CCDC178: variants seen among roughly 807,000 people sequenced by gnomAD.
CCDC178 encodes coiled-coil domain containing 178, also known as coiled-coil domain-containing protein 178.
In CCDC178, 126 loss-of-function variants were observed where a neutral mutation model predicts 117.4. The observed-to-expected ratio is 1.07, with a 90% CI of 0.93 to 1.24. The LOEUF is 1.24. Among genes scored for constraint, CCDC178 ranks in the 50% most tolerant of loss-of-function variants. The pLI, the probability that CCDC178 is intolerant of heterozygous loss-of-function variation, is 0.00. For missense variants in CCDC178, 1,030 were observed against 986.9 expected (o/e 1.04, Z -0.59); for synonymous variants, 283 against 313.4 (o/e 0.90, Z 1.02).
At position 33,065,483 on chromosome 18, in the gene CCDC178, C is replaced by T. The variant is rs186390550; in HGVS notation, c.2388+27278G>A. On this transcript the variant is annotated intron_variant, in intron 21 of 22. Transcript: ENST00000383096. ...GAATTTTGGGATTTCCAGAAGGAGA[C>T]GAGATGGATAAAAGCATAAAAACAC... 1.0e-3 allele frequency among the ~76,000 whole-genome samples: 153 copies of T among 152,022 alleles called. 2 individuals carry two copies. The highest frequency in any genetic ancestry group is 3.5e-3 in the Admixed American group (53 of 15,268).
At chr18:33,005,236 G>T (rs1163113344) in intron 21 of CCDC178, among the ~76,000 whole-genome samples, 3 of 151,988 alleles carry the variant, frequency 2.0e-5, no homozygotes, top group African/African-American at 7.2e-5. Flanking sequence ...ACAGATGATT[G>T]GATAAAGAAA....
intron 14 of CCDC178, among the ~76,000 whole-genome samples, chr18:33,252,082 G>C (rs989054574): frequency 6.6e-6 from 1 of 151,724 alleles, no homozygotes; most frequent in Non-Finnish European, 1.5e-5. Context: ...GGTGCTAGTA[G>C]AGTAAGTTAG....
intron 21 of CCDC178, among the ~76,000 whole-genome samples, chr18:33,070,201 A>G (rs977117076): frequency 2.0e-5 from 3 of 152,054 alleles, no homozygotes; most frequent in Non-Finnish European, 4.4e-5. Flanking sequence ...AAATGTGTCA[A>G]TATAACAAAG....
At chr18:32,940,508 C>G (rs974701053) in intron 22 of CCDC178, among the ~76,000 whole-genome samples, 1 of 151,594 alleles carries the variant, frequency 6.6e-6, no homozygotes, top group African/African-American at 2.4e-5. Context: ...TATTTTTTAA[C>G]TTTATTTTAG....
At chr18:33,408,246 T>C (rs1568207825) in intron 3 of CCDC178, among the ~76,000 whole-genome samples, 3 of 151,308 alleles carry the variant, frequency 2.0e-5, no homozygotes, top group Admixed American at 6.6e-5. Context: ...TTACAAACCA[T>C]AAAAAAAATT....
intron 2 of CCDC178, among the ~76,000 whole-genome samples, chr18:33,429,019 T>C (rs561645231): frequency 3.2e-5 from 2 of 62,226 alleles, no homozygotes; most frequent in Non-Finnish European, 6.8e-5. Context: ...GATTAAAAGT[T>C]TAAAAGGAAA....
rs559458963 is a variant in CCDC178 at position 33,262,847 on chromosome 18, T to C, written c.1409+4069A>G. Among the ~76,000 whole-genome samples, 20 of 152,338 alleles carry C rather than the reference T, an allele frequency of 1.3e-4. 1 individual carries two copies. The South Asian group carries it at 4.1e-3, about 32-fold the overall frequency. On this transcript the variant is annotated intron_variant, in intron 14 of 22. Coordinates refer to ENST00000383096, the MANE Select transcript of CCDC178 (RefSeq NM_001105528.4). ...CGAGCATATTTGAACATTTACTAAA[T>C]GTCAGTTAAATTTAAGTCAGATTAG...
intron 21 of CCDC178, among the ~76,000 whole-genome samples, chr18:33,043,729 T>C (rs1223509054): frequency 1.3e-5 from 2 of 151,978 alleles, no homozygotes; most frequent in African/African-American, 4.8e-5. Context: ...ACCATATTCA[T>C]GGAATCAGAT....
At chr18:33,086,991 CA>C (rs2057389012) in intron 21 of CCDC178, among the ~76,000 whole-genome samples, 1 of 150,298 alleles carries the variant, frequency 6.7e-6, no homozygotes. Context: ...CACACACACA[CA>C]CACACACACA....
At chr18:33,430,654 AAC>A (rs1332168189) in intron 2 of CCDC178, among the ~76,000 whole-genome samples, 1 of 152,210 alleles carries the variant, frequency 6.6e-6, no homozygotes, top group Non-Finnish European at 1.5e-5. Context: ...AAGCTGCCTT[AAC>A]CACATCACTA....
chr18:33,319,616 C>T (rs2062475082), intron 11 of CCDC178, among the ~76,000 whole-genome samples: 1 of 152,180 alleles, frequency 6.6e-6, no homozygotes, highest in African/African-American at 2.4e-5. Flanking sequence ...GGAATCGCCA[C>T]ACTGTCTTCC....
intron 11 of CCDC178, among the ~76,000 whole-genome samples, chr18:33,319,217 G>T (rs1397820146): frequency 6.6e-6 from 1 of 151,470 alleles, no homozygotes; most frequent in Non-Finnish European, 1.5e-5. Flanking sequence ...ACAGGCCCCA[G>T]TGTGTGATGT....
rs527279242 is a variant in CCDC178, at chr18:33,360,928, T to C, written c.349-4582A>G. On this transcript the variant is annotated intron_variant, in intron 6 of 22. Coordinates refer to ENST00000383096, the MANE Select transcript of CCDC178 (RefSeq NM_001105528.4). ...AATAATCCTAGTACTCTAAGCAATA[T>C]ATAGATTTAATGCCATGTCGATAAA... is the stretch of plus-strand genomic sequence containing the variant. 7.9e-5 allele frequency among the ~76,000 whole-genome samples: 12 copies of C among 151,756 alleles called. No homozygotes were observed. In the East Asian group the frequency reaches 1.9e-3, roughly 24 times the overall value.
chr18:33,031,566 A>G (rs1271019913), intron 21 of CCDC178, among the ~76,000 whole-genome samples: 1 of 152,112 alleles, frequency 6.6e-6, no homozygotes, highest in East Asian at 1.9e-4. Context: ...GCACAAGTAT[A>G]TATTTAAAGA....
At chr18:32,979,047 AAGAG>A (rs942138936) in intron 21 of CCDC178, among the ~76,000 whole-genome samples, 1 of 151,722 alleles carries the variant, frequency 6.6e-6, no homozygotes, top group Non-Finnish European at 1.5e-5. Context: ...AAAAAAAAAA[AAGAG>A]AGAAAAAAAA....
At chr18:33,266,612 A>C (rs2059818497) in intron 14 of CCDC178, among the ~76,000 whole-genome samples, 1 of 133,638 alleles carries the variant, frequency 7.5e-6, no homozygotes, top group African/African-American at 2.9e-5. Flanking sequence ...GGACACAGGA[A>C]GGGGAACATC....
At chr18:33,026,348 A>G (rs1391913213) in intron 21 of CCDC178, among the ~76,000 whole-genome samples, 5 of 152,050 alleles carry the variant, frequency 3.3e-5, no homozygotes, top group African/African-American at 9.7e-5. Flanking sequence ...AGATGTTACC[A>G]TTAGGGGAAA....
chr18:33,246,073 C>A (rs576583967), intron 14 of CCDC178, among the ~76,000 whole-genome samples: 1 of 151,788 alleles, frequency 6.6e-6, no homozygotes, highest in African/African-American at 2.4e-5. Flanking sequence ...ATTATAATAA[C>A]CTGCAAAGCA....
At chr18:33,137,133 C>T (rs963759533) in intron 20 of CCDC178, among the ~76,000 whole-genome samples, 23 of 152,102 alleles carry the variant, frequency 1.5e-4, no homozygotes, top group African/African-American at 4.8e-4. Flanking sequence ...TTGAAATATT[C>T]CTACTTCCAC....
Sources: allele counts gnomAD v4.1 joint callset (sites outside exome capture counted in the v4.1 genomes callset), GRCh38; gene constraint gnomAD v4.1.1; transcripts MANE v1.5; gene names NCBI Gene and HGNC (gene_info 2026-07-23, HGNC 2026-07-21).